The following AGR2 variants were observed in gnomAD, a reference collection of about 807,000 sequenced individuals.
AGR2 encodes the protein anterior gradient 2, protein disulphide isomerase family member.
In AGR2, 27 loss-of-function variants were observed where a neutral mutation model predicts 25.9. The ratio of observed to expected loss-of-function variants is 1.04; its 90% confidence interval spans 0.77 to 1.44. The LOEUF is 1.44. AGR2 is among the 40% of genes most tolerant of loss of function. The pLI, the probability that AGR2 is intolerant of heterozygous loss-of-function variation, is 0.00. For missense variants in AGR2, 182 were observed against 200.9 expected (o/e 0.91, Z 0.57); for synonymous variants, 78 against 72.0 (o/e 1.08, Z -0.42).
chr7:16,802,732 A>G (rs1785169780), intron 1 of AGR2, among the ~76,000 whole-genome samples: 1 of 152,072 alleles, frequency 6.6e-6, no homozygotes, highest in Non-Finnish European at 1.5e-5. Flanking sequence ...ATCTCTATAG[A>G]TATAGAGTTA....
intron 1 of AGR2, among the ~76,000 whole-genome samples, chr7:16,802,765 T>C (rs1413781950): frequency 6.6e-6 from 1 of 152,068 alleles, no homozygotes; most frequent in East Asian, 1.9e-4. Flanking sequence ...TATATATCTA[T>C]ATAGAAATAG....
rs527335962 is a variant in AGR2, at chr7:16,797,501, T to C, written c.394+130A>G. ...ATATGTTGCGGAACTTAAAGGAATG[T>C]CATGCTCCTTGCTAGAGCTTAGTGA... On this transcript the variant is annotated intron_variant, in intron 6 of 7. Coordinates refer to ENST00000419304, the MANE Select transcript of AGR2 (RefSeq NM_006408.4). 7.2e-5 allele frequency: 48 copies of C among 664,760 alleles called. No individual in the cohort carries two copies. The African/African-American group carries it at 7.7e-4, about 11-fold the overall frequency. The allele number at this position is 664,760 out of a possible 1,614,324, so 41.2% of individuals were successfully genotyped here.
chr7:16,804,428 C>T (rs1316754229), intron 1 of AGR2, among the ~76,000 whole-genome samples: 1 of 152,186 alleles, frequency 6.6e-6, no homozygotes, highest in African/African-American at 2.4e-5. Flanking sequence ...GCTCTCTCCT[C>T]TAATAGCCTA....
In AGR2 at chr7:16,801,552, C is replaced by T. The variant is rs768080597; in HGVS notation, c.139+106G>A. ...AGTGATAAGTCTAGAAGGAACACAA[C>T]CAAAAATAACCTGGCACCAGGTTAG... is the stretch of plus-strand genomic sequence containing the variant. On this transcript the variant is annotated intron_variant, in intron 2 of 7. Coordinates refer to ENST00000419304, the MANE Select transcript of AGR2 (RefSeq NM_006408.4). The T allele has an allele frequency of 3.4e-6, 5 of 1,481,796 alleles. No homozygotes were observed. In the Admixed American group the frequency reaches 8.4e-5, roughly 25 times the overall value. The allele number at this position is 1,481,796 out of a possible 1,614,324, so 91.8% of individuals were successfully genotyped here. A position where few individuals can be genotyped will look rare whatever the true frequency, so the allele number is the denominator to read the frequency against.
chr7:16,802,981 T>C (rs1227651751), intron 1 of AGR2, among the ~76,000 whole-genome samples: 2 of 151,992 alleles, frequency 1.3e-5, no homozygotes, highest in East Asian at 3.9e-4. Context: ...TACAGGCACG[T>C]GCCAGCATAC....
chr7:16,795,332 T>G (rs1785027330), intron 6 of AGR2, among the ~76,000 whole-genome samples: 1 of 151,604 alleles, frequency 6.6e-6, no homozygotes, highest in South Asian at 2.1e-4. Context: ...TTTTTTTTTT[T>G]GGTGAAAACA....
chr7:16,792,856 G>T lies in AGR2; in HGVS notation c.*52C>A. ...TAGCCAGTCTTCTCACACTTCTTCT[G>T]GTTTCAAGTCTCAAGGCCTGACAGA... is the stretch of plus-strand genomic sequence containing the variant. On this transcript the variant is annotated 3_prime_UTR_variant, in exon 8 of 8. Transcript: ENST00000419304. 1 of 1,496,270 alleles carries T rather than the reference G, an allele frequency of 6.7e-7. No individual in the cohort carries two copies. 92.7% of individuals were successfully genotyped at this position (1,496,270 alleles called of 1,614,324 possible).
intron 2 of AGR2, 61 bp downstream of exon 2, chr7:16,801,597 G>A: frequency 1.2e-6 from 2 of 1,604,752 alleles, no homozygotes; most frequent in Non-Finnish European, 1.7e-6. Context: ...TAAGCACCAA[G>A]AGAGAGGAAA....
chr7:16,793,017 A>G, intron 7 of AGR2, 60 bp from the exon 8 acceptor site: 1 of 1,486,634 alleles, frequency 6.7e-7, no homozygotes, highest in Non-Finnish European at 9.4e-7. Flanking sequence ...CGATATAATA[A>G]ACCCCAAACT....
chr7:16,799,818 C>G lies in AGR2; in HGVS notation c.257-1G>C. ...TTTTCAGCAAACACTTTCTTTAAAG[C>G]TATAATATAAAGAAAAATCATTAAG... is the stretch of plus-strand genomic sequence containing the variant. On this transcript the variant is annotated splice_acceptor_variant, in intron 4 of 7. Coordinates refer to ENST00000419304, the MANE Select transcript of AGR2 (RefSeq NM_006408.4). LOFTEE classifies it high-confidence loss of function. 3.1e-6 allele frequency: 5 copies of G among 1,601,246 alleles called. No homozygotes were observed. The highest frequency in any genetic ancestry group is 1.3e-5 in the African/African-American group (1 of 74,696).
At chr7:16,800,826 G>A (rs190371525) in intron 4 of AGR2, among the ~76,000 whole-genome samples, 1 of 152,160 alleles carries the variant, frequency 6.6e-6, no homozygotes, top group African/African-American at 2.4e-5. Flanking sequence ...CTGTGAGATG[G>A]CACAGGCTTC....
intron 2 of AGR2, 58 bp from the exon 3 acceptor site, chr7:16,801,441 T>C: frequency 6.6e-7 from 1 of 1,510,354 alleles, no homozygotes; most frequent in East Asian, 2.3e-5. Context: ...CCAAAGCTGT[T>C]GAAAAGCAAT....
intron 5 of AGR2, among the ~76,000 whole-genome samples, 162 bp from the exon 6 acceptor site, chr7:16,797,856 G>T (rs1227802471): frequency 6.6e-6 from 1 of 152,128 alleles, no homozygotes; most frequent in East Asian, 1.9e-4. Flanking sequence ...TTACAAGCAT[G>T]AAATAATAAA....
intron 1 of AGR2, among the ~76,000 whole-genome samples, chr7:16,802,235 C>A (rs1368401708): frequency 1.3e-5 from 2 of 152,132 alleles, no homozygotes; most frequent in Non-Finnish European, 2.9e-5. Flanking sequence ...TTATTAATCT[C>A]TTATTGTGCT....
intron 5 of AGR2, 101 bp from the exon 6 acceptor site, chr7:16,797,795 A>C (rs1785075093): frequency 1.2e-6 from 1 of 865,924 alleles, no homozygotes. Flanking sequence ...AGGCATCTCA[A>C]GATATCATAA....
At chr7:16,793,552 T>C (rs1223298718) in intron 7 of AGR2, among the ~76,000 whole-genome samples, 1 of 152,230 alleles carries the variant, frequency 6.6e-6, no homozygotes, top group Admixed American at 6.5e-5. Context: ...TAGAAGTAAA[T>C]TTAAATCATG....
chr7:16,800,576 C>T (rs971796257), intron 4 of AGR2, among the ~76,000 whole-genome samples: 34 of 152,332 alleles, frequency 2.2e-4, no homozygotes, highest in African/African-American at 6.3e-4. Context: ...CTACCAGCCT[C>T]ACTCTGGCTT....
chr7:16,795,011 GA>G lies in AGR2; in HGVS notation c.402del (p.Leu135Ter). The stretch of plus-strand genomic sequence containing the variant: ...CCAGTGATATCGGCTCTAACTGTCA[GA>G]GATGGGTCTGCAAAGATAAATGAAG... ...YVPRIMFVDP[S>X]LTVRADITGR... is the part of the protein sequence containing the mutation. On this transcript the variant is annotated frameshift_variant, in exon 7 of 8. Coordinates refer to ENST00000419304, the MANE Select transcript of AGR2 (RefSeq NM_006408.4). LOFTEE classifies it high-confidence loss of function. The G allele has an allele frequency of 6.2e-7, 1 of 1,614,126 alleles. No individual in the cohort carries two copies. Among genetic ancestry groups the G allele is most frequent in the Non-Finnish European group, 8.5e-7 (1 of 1,179,942 alleles).
chr7:16,793,101 T>G (rs1350476893), intron 7 of AGR2, 144 bp from the exon 8 acceptor site: 2 of 726,384 alleles, frequency 2.8e-6, no homozygotes, highest in Admixed American at 2.4e-5. Context: ...CAGGCTGGCA[T>G]GCAGTGGTGC....
Sources: allele counts gnomAD v4.1 joint callset (sites outside exome capture counted in the v4.1 genomes callset), GRCh38; gene constraint gnomAD v4.1.1; transcripts MANE v1.5; gene names NCBI Gene and HGNC (gene_info 2026-07-23, HGNC 2026-07-21).